The following DPYD variants were observed in gnomAD, a reference collection of about 807,000 sequenced individuals.
DPYD encodes the protein dihydropyrimidine dehydrogenase [NADP(+)].
In DPYD, 109 loss-of-function variants were observed where a neutral mutation model predicts 116.2. The observed-to-expected ratio is 0.94, with a 90% CI of 0.80 to 1.10. The LOEUF is 1.10. Ranked by LOEUF, DPYD falls within the 50% of genes least tolerant of loss-of-function variation. The pLI is 0.00. For missense variants in DPYD, 1,302 were observed against 1,254.5 expected, an observed-to-expected ratio of 1.04 and a Z score of -0.57; for synonymous variants, 440 against 432.0, an observed-to-expected ratio of 1.02 and a Z score of -0.23.
intron 16 of DPYD, among the ~76,000 whole-genome samples, chr1:97,331,308 G>A (rs1377336524): frequency 6.6e-6 from 1 of 151,974 alleles, no homozygotes; most frequent in Admixed American, 6.6e-5. Context: ...CTTCTCTACA[G>A]AAAAAGAGGA....
chr1:97,851,824 T>G (rs1017733074), intron 2 of DPYD, among the ~76,000 whole-genome samples: 1 of 151,886 alleles, frequency 6.6e-6, no homozygotes, highest in African/African-American at 2.4e-5. Context: ...TCTACATGTT[T>G]GTGTTTGTGT....
chr1:97,305,601 C>T (rs2101038296), intron 17 of DPYD, among the ~76,000 whole-genome samples: 1 of 152,040 alleles, frequency 6.6e-6, no homozygotes, highest in East Asian at 1.9e-4. Context: ...ATTATACAGA[C>T]TTGTTGTTAC....
chr1:97,127,184 T>C (rs915466091), intron 20 of DPYD, among the ~76,000 whole-genome samples: 14 of 152,046 alleles, frequency 9.2e-5, no homozygotes, highest in African/African-American at 3.4e-4. Context: ...CATTACAGCA[T>C]AAAGAGAAAA....
rs75534901 is a variant in DPYD, at chr1:97,188,136, T to A, written c.2622+4933A>T. Among the ~76,000 whole-genome samples, 57 of 152,324 alleles carry A rather than the reference T, an allele frequency of 3.7e-4. 1 individual carries two copies. The highest frequency in any genetic ancestry group is 1.3e-3 in the African/African-American group (55 of 41,588). ...GTATCTGGTCATATGGATACAATTTTGGTTTCTATTATCAAAACAAATCCT... is the reference window on the plus strand; with the variant it reads ...GTATCTGGTCATATGGATACAATTTAGGTTTCTATTATCAAAACAAATCCT... On this transcript the variant is annotated intron_variant, in intron 20 of 22. Transcript: ENST00000370192.
intron 2 of DPYD, among the ~76,000 whole-genome samples, chr1:97,866,862 C>T (rs750919725): frequency 4.9e-4 from 74 of 151,500 alleles, no homozygotes; most frequent in Non-Finnish European, 5.9e-4. Context: ...GGCAGAAGGC[C>T]GCAGGAAGTG....
intron 14 of DPYD, among the ~76,000 whole-genome samples, chr1:97,426,791 GAT>G (rs1188777122): frequency 2.0e-5 from 3 of 152,060 alleles, no homozygotes; most frequent in Non-Finnish European, 4.4e-5. Flanking sequence ...ATGTTAAGAG[GAT>G]ATGTTTCAAA....
intron 13 of DPYD, among the ~76,000 whole-genome samples, chr1:97,453,548 A>T (rs762376284): frequency 6.6e-6 from 1 of 152,174 alleles, no homozygotes; most frequent in Non-Finnish European, 1.5e-5. Flanking sequence ...TATGCTATTT[A>T]CAGTAACCTA....
intron 12 of DPYD, among the ~76,000 whole-genome samples, chr1:97,526,184 A>G (rs572118783): frequency 6.6e-6 from 1 of 152,272 alleles, no homozygotes; most frequent in Admixed American, 6.5e-5. Context: ...ACTTATCATG[A>G]GTTACAGGAA....
At position 97,687,975 on chromosome 1, in the gene DPYD, A is replaced by G. The variant is rs1660821464; in HGVS notation, c.762+3742T>C. Among the ~76,000 whole-genome samples, 3 of 152,214 alleles carry G rather than the reference A, an allele frequency of 2.0e-5. No homozygotes were observed. The South Asian group carries it at 6.2e-4, about 32-fold the overall frequency. ...GAACAACACACACTGGGGCCAGTTG[A>G]GTGGGGCAGGGACAGGGAGAGAATC... On this transcript the variant is annotated intron_variant, in intron 7 of 22. Coordinates refer to ENST00000370192, the MANE Select transcript of DPYD (RefSeq NM_000110.4).
Position 97,767,345 on chromosome 1 carries a change from A to G in DPYD, c.234-26866T>C, listed in dbSNP as rs529843663. Among the ~76,000 whole-genome samples, 4 of 152,230 alleles carry G rather than the reference A, an allele frequency of 2.6e-5. No homozygotes were observed. The South Asian group carries it at 8.3e-4, about 32-fold the overall frequency. ...CTTCCCTGTATTCATAACCTTTGCA[A>G]TGGGACTTTGCAGCTCTTCTTATCA... On this transcript the variant is annotated intron_variant, in intron 3 of 22. Transcript: ENST00000370192.
chr1:97,735,022 A>G (rs998982160), intron 4 of DPYD, among the ~76,000 whole-genome samples: 11 of 152,182 alleles, frequency 7.2e-5, no homozygotes, highest in African/African-American at 2.4e-4. Flanking sequence ...AGCAAATTAA[A>G]TTTATATTTG....
chr1:97,460,681 A>G (rs970298384), intron 13 of DPYD, among the ~76,000 whole-genome samples: 39 of 152,128 alleles, frequency 2.6e-4, no homozygotes, highest in African/African-American at 8.0e-4. Context: ...TCCTGAAGAA[A>G]TGTCATTGTC....
chr1:97,221,513 T>C (rs1237038731), intron 19 of DPYD, among the ~76,000 whole-genome samples: 3 of 152,054 alleles, frequency 2.0e-5, no homozygotes, highest in South Asian at 2.1e-4. Flanking sequence ...AAATAGAAGA[T>C]AATATTCAAT....
intron 12 of DPYD, among the ~76,000 whole-genome samples, chr1:97,517,218 G>A (rs1648296237): frequency 2.6e-5 from 4 of 152,128 alleles, no homozygotes; most frequent in Non-Finnish European, 5.9e-5. Context: ...CTTCTCCCAG[G>A]GATGTTCTGG....
At chr1:97,373,752 G>T in intron 15 of DPYD, 108 bp from the exon 16 acceptor site, 1 of 955,806 alleles carries the variant, frequency 1.0e-6, no homozygotes, top group Non-Finnish European at 1.6e-6. Flanking sequence ...TAACTATTCT[G>T]TTTTCTGCAT....
At chr1:97,258,799 G>C (rs1382581542) in intron 18 of DPYD, among the ~76,000 whole-genome samples, 2 of 152,106 alleles carry the variant, frequency 1.3e-5, no homozygotes, top group South Asian at 2.1e-4. Flanking sequence ...GTTGCATAAG[G>C]ACCAGAAGGA....
intron 22 of DPYD, among the ~76,000 whole-genome samples, chr1:97,081,743 G>A (rs1268509415): frequency 7.3e-6 from 1 of 137,028 alleles, no homozygotes; most frequent in Non-Finnish European, 1.5e-5. Flanking sequence ...TTCCTGCATG[G>A]TAGATGCTCT....
At position 97,318,917 on chromosome 1, in the gene DPYD, A is replaced by G. The variant is rs1463962613; in HGVS notation, c.2059-12620T>C. The stretch of plus-strand genomic sequence containing the variant: ...CAGTGCAATCAAACTAGAACTCAGG[A>G]TTAAGAATCTCACTCAAAGCCGCTC... On this transcript the variant is annotated intron_variant, in intron 16 of 22. Coordinates refer to ENST00000370192, the MANE Select transcript of DPYD (RefSeq NM_000110.4). Among the ~76,000 whole-genome samples the G allele has an allele frequency of 2.7e-5, 4 of 145,866 alleles. No homozygotes were observed. In the East Asian group the frequency reaches 6.0e-4, roughly 22 times the overall value.
intron 16 of DPYD, among the ~76,000 whole-genome samples, chr1:97,317,777 A>T (rs1667948704): frequency 6.6e-6 from 1 of 151,992 alleles, no homozygotes; most frequent in East Asian, 1.9e-4. Flanking sequence ...AGTCTAGGGA[A>T]GTCACGCTTC....
Sources: allele counts gnomAD v4.1 joint callset (sites outside exome capture counted in the v4.1 genomes callset), GRCh38; gene constraint gnomAD v4.1.1; transcripts MANE v1.5; gene names NCBI Gene and HGNC (gene_info 2026-07-23, HGNC 2026-07-21).